The following NSUN7 variants were observed in gnomAD, a reference collection of about 807,000 sequenced individuals.
NSUN7 encodes the protein NOP2/Sun RNA methyltransferase family member 7, also known as protein NSUN7.
In NSUN7, 39 loss-of-function variants were observed where a neutral mutation model predicts 58.5. That is an observed-to-expected ratio of 0.67 (90% CI 0.52 to 0.87). NSUN7 has a LOEUF of 0.87. NSUN7 is among the 40% of genes least tolerant of loss of function. The pLI is 0.00. For synonymous variants in NSUN7, 278 were observed against 303.7 expected, an observed-to-expected ratio of 0.92 and a Z score of 0.88; for missense variants, 765 against 844.1, an observed-to-expected ratio of 0.91 and a Z score of 1.16.
intron 4 of NSUN7, among the ~76,000 whole-genome samples, chr4:40,762,894 T>C (rs2154286893): frequency 6.6e-6 from 1 of 152,210 alleles, no homozygotes; most frequent in South Asian, 2.1e-4. Context: ...GATCATCTAA[T>C]GCTTGATGAT....
Position 40,811,126 on chromosome 4 carries a change from A to AATT in NSUN7, c.*2191_*2193dup, listed in dbSNP as rs1744311458. The AATT allele has an allele frequency of 6.6e-6, 1 of 152,192 alleles. No homozygotes were observed. The highest frequency in any genetic ancestry group is 2.4e-5 in the African/African-American group (1 of 41,432). 9.4% of individuals were successfully genotyped at this position (152,192 alleles called of 1,614,324 possible). ...ATCTCCTAACATGCATTTGGCACTAAATTATTTTTCTCTTTAGAAGTATAT... is the reference window on the plus strand; with the variant it reads ...ATCTCCTAACATGCATTTGGCACTAAATTATTATTTTTCTCTTTAGAAGTATAT... On this transcript the variant is annotated 3_prime_UTR_variant, in exon 12 of 12. Transcript: ENST00000381782.
chr4:40,763,400 A>T (rs1395386319), intron 4 of NSUN7, among the ~76,000 whole-genome samples: 1 of 44,188 alleles, frequency 2.3e-5, no homozygotes, highest in East Asian at 2.7e-4. Context: ...ATTCAGAGGA[A>T]ACTTGGAGCA....
At chr4:40,804,978 T>C (rs980250554) in intron 10 of NSUN7, among the ~76,000 whole-genome samples, 11 of 152,004 alleles carry the variant, frequency 7.2e-5, no homozygotes, top group Admixed American at 3.3e-4. Flanking sequence ...TGATAGTGGG[T>C]GTACTTTTGG....
intron 7 of NSUN7, among the ~76,000 whole-genome samples, chr4:40,776,940 T>C (rs1484445692): frequency 6.6e-6 from 1 of 152,232 alleles, no homozygotes; most frequent in Non-Finnish European, 1.5e-5. Context: ...TTTAGGCTTC[T>C]TGTTTTTTAA....
chr4:40,757,722 A>ATG (rs2154286550), intron 2 of NSUN7, among the ~76,000 whole-genome samples: 1 of 52,404 alleles, frequency 1.9e-5, no homozygotes, highest in Admixed American at 2.5e-4. Flanking sequence ...GTGTGTGTAT[A>ATG]TATACACACA....
At chr4:40,789,616 G>A (rs540195282) in intron 7 of NSUN7, among the ~76,000 whole-genome samples, 4 of 152,234 alleles carry the variant, frequency 2.6e-5, no homozygotes, top group African/African-American at 7.2e-5. Flanking sequence ...AAGATTGACT[G>A]TGAATGGTTC....
chr4:40,751,817 A>T (rs558018585), intron 2 of NSUN7, among the ~76,000 whole-genome samples: 1 of 152,178 alleles, frequency 6.6e-6, no homozygotes, highest in Admixed American at 6.5e-5. Flanking sequence ...ATATAGTGAG[A>T]TCTCCTCTCT....
rs374149976 is a variant in NSUN7, at chr4:40,761,308, G to A, written c.488+7G>A. 52 of 1,597,362 alleles carry A rather than the reference G, an allele frequency of 3.3e-5. No individual in the cohort carries two copies. Among genetic ancestry groups the A allele is most frequent in the South Asian group, 3.4e-5 (3 of 88,528 alleles). ...TAGAGAACCTTCTTAACAGGTAATC[G>A]TAAAAGTGAAAAGAATGTTTTATAT... On this transcript the variant is annotated splice_region_variant and intron_variant, in intron 4 of 11. Coordinates refer to ENST00000381782, the MANE Select transcript of NSUN7 (RefSeq NM_024677.6).
intron 4 of NSUN7, among the ~76,000 whole-genome samples, chr4:40,765,890 A>C (rs1741700643): frequency 6.6e-6 from 1 of 152,086 alleles, no homozygotes; most frequent in Non-Finnish European, 1.5e-5. Flanking sequence ...TTTGTCTGTT[A>C]TCGTTGTATA....
intron 2 of NSUN7, among the ~76,000 whole-genome samples, chr4:40,758,219 C>T (rs1175255063): frequency 6.6e-6 from 1 of 152,074 alleles, no homozygotes; most frequent in African/African-American, 2.4e-5. Flanking sequence ...CACACCCGGC[C>T]AGCTTTTTCT....
At chr4:40,754,827 T>C (rs940752145) in intron 2 of NSUN7, among the ~76,000 whole-genome samples, 1 of 152,232 alleles carries the variant, frequency 6.6e-6, no homozygotes, top group Admixed American at 6.5e-5. Flanking sequence ...TTGTGTCTTA[T>C]GCTTTTCAGT....
rs1176906281 is a variant in NSUN7, at chr4:40,750,821, C to G, written c.128C>G (p.Pro43Arg). 5.0e-6 allele frequency: 8 copies of G among 1,614,048 alleles called. No homozygotes were observed. Among genetic ancestry groups the G allele is most frequent in the Non-Finnish European group, 1.7e-6 (2 of 1,180,038 alleles). Residue 43 changes from proline to arginine, a missense_variant, in exon 2 of 12, where the codon CCG becomes CGG. Physicochemically the swap from Pro to Arg is moderately radical, Grantham distance 103. Coordinates refer to ENST00000381782, the MANE Select transcript of NSUN7 (RefSeq NM_024677.6). ...GGTGTGCCCGAAAAAACGGGCTATC[C>G]GGACTCCGTTTATGTCATGGCAGCC... ...SAGVPEKTGY[P>R]DSVYVMAANI...
intron 10 of NSUN7, among the ~76,000 whole-genome samples, chr4:40,805,343 C>T (rs1301213351): frequency 6.6e-6 from 1 of 152,180 alleles, no homozygotes; most frequent in Non-Finnish European, 1.5e-5. Flanking sequence ...GTCCTCGTCT[C>T]CTTGCTGCTG....
rs757045011 is a variant in NSUN7 at position 40,790,595 on chromosome 4, T to C, written c.1037-7T>C. On this transcript the variant is annotated splice_polypyrimidine_tract_variant and splice_region_variant and intron_variant, in intron 7 of 11. Coordinates refer to ENST00000381782, the MANE Select transcript of NSUN7 (RefSeq NM_024677.6). ...TTTACATTAAATTTTCTGTGTTTTT[T>C]CCCCAGATATTGAAATACTTCATGA... 1.9e-5 allele frequency: 29 copies of C among 1,501,238 alleles called. No individual in the cohort carries two copies. In the Admixed American group the frequency reaches 2.2e-4, roughly 11 times the overall value. The allele number at this position is 1,501,238 out of a possible 1,614,324, so 93.0% of individuals were successfully genotyped here.
chr4:40,750,729 C>T lies in NSUN7; in HGVS notation c.36C>T (p.Asn12=). 2 of 1,613,860 alleles carry T rather than the reference C, an allele frequency of 1.2e-6. No individual in the cohort carries two copies. The highest frequency in any genetic ancestry group is 1.3e-5 in the African/African-American group (1 of 75,002). The change falls in exon 2 of 12, where the codon AAC becomes AAT. Residue 12 remains asparagine (N), a synonymous_variant. Coordinates refer to ENST00000381782, the MANE Select transcript of NSUN7 (RefSeq NM_024677.6). ...LNSTGELEFS[N]EEDPEIISQL... is the part of the protein sequence containing the mutation. Reference sequence around the variant, plus strand: ...CCACGGGCGAACTGGAGTTTTCGAACGAAGAAGATCCCGAGATCATCTCCC... The same window carrying T: ...CCACGGGCGAACTGGAGTTTTCGAATGAAGAAGATCCCGAGATCATCTCCC...
At chr4:40,782,062 A>G (rs1742591896) in intron 7 of NSUN7, among the ~76,000 whole-genome samples, 1 of 152,236 alleles carries the variant, frequency 6.6e-6, no homozygotes, top group African/African-American at 2.4e-5. Context: ...AATCCAAAGG[A>G]ATCAATGAAT....
intron 10 of NSUN7, among the ~76,000 whole-genome samples, chr4:40,800,058 A>G (rs1304684915): frequency 6.6e-6 from 1 of 152,246 alleles, no homozygotes; most frequent in African/African-American, 2.4e-5. Context: ...TAGAATGTGC[A>G]TATTTTAAGA....
intron 7 of NSUN7, chr4:40,786,777 G>T (rs1181188076): frequency 4.6e-5 from 67 of 1,451,828 alleles, no homozygotes; most frequent in Non-Finnish European, 5.8e-5. Context: ...ACAAATAGAA[G>T]AGTGTCTACA....
At chr4:40,761,083 G>A in intron 3 of NSUN7, 88 bp from the exon 4 acceptor site, 1 of 1,083,236 alleles carries the variant, frequency 9.2e-7, no homozygotes, top group Non-Finnish European at 1.3e-6. Context: ...GCTCTGTTAT[G>A]AAAAATAATG....
Sources: gnomAD v4.1 joint callset for allele counts (sites outside exome capture counted in the v4.1 genomes callset) on GRCh38, gnomAD v4.1.1 for gene constraint, MANE v1.5 for transcripts, NCBI Gene and HGNC (gene_info 2026-07-23, HGNC 2026-07-21) for gene names.